Variants in NCKAP5L observed in about 807,000 individuals in gnomAD.
NCKAP5L encodes the protein NCK associated protein 5 like, also known as nck-associated protein 5-like.
A neutral mutation model predicts 103.2 loss-of-function variants in NCKAP5L; 54 were observed. That is an observed-to-expected ratio of 0.52 (90% CI 0.42 to 0.66). The LOEUF is 0.66. NCKAP5L is among the 30% of genes least tolerant of loss of function. NCKAP5L has a pLI of 0.00. For synonymous variants in NCKAP5L, 762 were observed against 748.6 expected, an observed-to-expected ratio of 1.02 and a Z score of -0.29; for missense variants, 1,733 against 1,750.6, an observed-to-expected ratio of 0.99 and a Z score of 0.18.
At position 49,802,091 on chromosome 12, in the gene NCKAP5L, C is replaced by T. The variant is rs1258124480; in HGVS notation, c.232-124G>A. 14 of 1,100,062 alleles carry T rather than the reference C, an allele frequency of 1.3e-5. No individual in the cohort carries two copies. The East Asian group carries it at 2.8e-4, about 22-fold the overall frequency. The allele number at this position is 1,100,062 out of a possible 1,614,324, so 68.1% of individuals were successfully genotyped here. A position where few individuals can be genotyped will look rare whatever the true frequency, so the allele number is the denominator to read the frequency against. ...CAGGACCCTTCTGGGCACACACTTC[C>T]GCTGCAACCTCCTTCTATGAGGAAT... On this transcript the variant is annotated intron_variant, in intron 5 of 12. Transcript: ENST00000335999.
chr12:49,824,586 C>T (rs1946395984), intron 1 of NCKAP5L, among the ~76,000 whole-genome samples: 1 of 152,246 alleles, frequency 6.6e-6, no homozygotes, highest in Admixed American at 6.5e-5. Context: ...TCCTAAGAGA[C>T]CAACGACCTT....
At chr12:49,813,648 C>T (rs1289255037) in intron 1 of NCKAP5L, among the ~76,000 whole-genome samples, 1 of 152,116 alleles carries the variant, frequency 6.6e-6, no homozygotes. Flanking sequence ...CTGTCTCAGC[C>T]GTCCGAGTAC....
Position 49,793,913 on chromosome 12 carries a change from A to G in NCKAP5L, c.3096-17T>C. ...CCATCCACCCTATGGGCAACAGTGCAGATATAGGTGAGGGTGGTCTTGCCT... is the reference window on the plus strand; with the variant it reads ...CCATCCACCCTATGGGCAACAGTGCGGATATAGGTGAGGGTGGTCTTGCCT... On this transcript the variant is annotated splice_polypyrimidine_tract_variant and intron_variant, in intron 8 of 12. Transcript: ENST00000335999. 1.3e-6 allele frequency: 2 copies of G among 1,491,108 alleles called. No homozygotes were observed. Among genetic ancestry groups the G allele is most frequent in the East Asian group, 2.5e-5 (1 of 40,436 alleles). 92.4% of individuals were successfully genotyped at this position (1,491,108 alleles called of 1,614,324 possible).
chr12:49,817,046 G>A (rs1382118499), intron 1 of NCKAP5L, among the ~76,000 whole-genome samples: 3 of 151,968 alleles, frequency 2.0e-5, no homozygotes, highest in East Asian at 3.9e-4. Flanking sequence ...TGTTAACAAC[G>A]AACTACCTAA....
chr12:49,808,765 C>T (rs533581767), intron 1 of NCKAP5L, among the ~76,000 whole-genome samples: 25 of 152,350 alleles, frequency 1.6e-4, no homozygotes, highest in African/African-American at 5.8e-4. Flanking sequence ...GAGCTCAGCC[C>T]GACCTGGGGC....
rs2137026379 is a variant in NCKAP5L, at chr12:49,811,401, G to A, written c.-98-5360C>T. Among the ~76,000 whole-genome samples, 3 of 152,200 alleles carry A rather than the reference G, an allele frequency of 2.0e-5. No homozygotes were observed. In the Middle Eastern group the frequency reaches 0.01, roughly 518 times the overall value. On this transcript the variant is annotated intron_variant, in intron 1 of 12. Coordinates refer to ENST00000335999, the MANE Select transcript of NCKAP5L (RefSeq NM_001037806.4). ...TTTCCCCAGAGGATTAAAGCCAGCA[G>A]AGGGGAACCCCCTCACACCTCCTGC... is the stretch of plus-strand genomic sequence containing the variant.
intron 1 of NCKAP5L, among the ~76,000 whole-genome samples, chr12:49,812,099 C>T (rs1169339975): frequency 6.6e-6 from 1 of 152,112 alleles, no homozygotes; most frequent in East Asian, 1.9e-4. Flanking sequence ...TTCAGTGGTT[C>T]TTAGTATACT....
At chr12:49,817,210 A>G (rs1266652612) in intron 1 of NCKAP5L, among the ~76,000 whole-genome samples, 1 of 152,204 alleles carries the variant, frequency 6.6e-6, no homozygotes, top group Non-Finnish European at 1.5e-5. Context: ...ATATTTTTTA[A>G]ATGTCCATAA....
chr12:49,826,768 T>A (rs1467741268), intron 1 of NCKAP5L, among the ~76,000 whole-genome samples: 1 of 152,164 alleles, frequency 6.6e-6, no homozygotes, highest in Non-Finnish European at 1.5e-5. Flanking sequence ...TCTTTATTGA[T>A]ACCCGCTTGC....
intron 2 of NCKAP5L, chr12:49,805,449 G>C (rs1282262266): frequency 6.6e-6 from 1 of 152,232 alleles, no homozygotes; most frequent in Non-Finnish European, 1.5e-5. Context: ...TTCTCTGCTA[G>C]AGAAAAATGC....
chr12:49,793,668 G>C (rs181334080), intron 9 of NCKAP5L, 66 bp downstream of exon 9: 104 of 1,475,438 alleles, frequency 7.0e-5, no homozygotes, highest in Non-Finnish European at 8.8e-5. Flanking sequence ...AACCCTCTAG[G>C]GGGTAAGAGA....
rs1945955325 is a variant in NCKAP5L, at chr12:49,792,623, C to T, written c.3650-35G>A. On this transcript the variant is annotated intron_variant, in intron 11 of 12. Transcript: ENST00000335999. This position sits in a 1 kb window ranked among gnomAD's most constrained non-coding sequence, Gnocchi z 4.5. ...AACAAAGGGAAGGTGGATGGAGCTG[C>T]CTGGGCAGCTCCAGGATGCCCAGGG... The T allele has an allele frequency of 6.2e-7, 1 of 1,613,464 alleles. No homozygotes were observed. The highest frequency in any genetic ancestry group is 8.5e-7 in the Non-Finnish European group (1 of 1,179,706).
At chr12:49,821,769 A>T (rs1946364375) in intron 1 of NCKAP5L, among the ~76,000 whole-genome samples, 1 of 152,248 alleles carries the variant, frequency 6.6e-6, no homozygotes, top group Non-Finnish European at 1.5e-5. Flanking sequence ...CACACAGTAA[A>T]TTCTAAATAA....
chr12:49,810,679 G>T (rs1358570947), intron 1 of NCKAP5L, among the ~76,000 whole-genome samples: 1 of 152,196 alleles, frequency 6.6e-6, no homozygotes, highest in Admixed American at 6.5e-5. Context: ...GGAGAAGCCA[G>T]CTTCCTTCTA....
intron 8 of NCKAP5L, 111 bp from the exon 9 acceptor site, chr12:49,794,007 C>T (rs1204595875): frequency 1.9e-6 from 2 of 1,034,574 alleles, no homozygotes; most frequent in South Asian, 2.4e-5. Context: ...GCCATCCACC[C>T]CCGGGGAAGG....
In NCKAP5L at chr12:49,824,724, C is replaced by T. The variant is rs142695380; in HGVS notation, c.-99+3598G>A. 9.2e-3 allele frequency among the ~76,000 whole-genome samples: 1,408 copies of T among 152,316 alleles called. 11 individuals are homozygous for T. The highest frequency in any genetic ancestry group is 0.027 in the South Asian group (132 of 4,826). ...GCGTGCCTGGTACTGTGACAGATGC[C>T]GGGACAGACAAAATCTAAGCTCCTG... On this transcript the variant is annotated intron_variant, in intron 1 of 12. Transcript: ENST00000335999.
chr12:49,812,713 T>C (rs1260492785), intron 1 of NCKAP5L, among the ~76,000 whole-genome samples: 1 of 152,186 alleles, frequency 6.6e-6, no homozygotes, highest in Non-Finnish European at 1.5e-5. Context: ...AGTGCTCCAC[T>C]GTATGGGCCA....
chr12:49,819,114 C>T (rs572975870), intron 1 of NCKAP5L, among the ~76,000 whole-genome samples: 8 of 151,526 alleles, frequency 5.3e-5, no homozygotes, highest in Admixed American at 1.3e-4. Flanking sequence ...GGGCAGATCA[C>T]GAGGTCAGGA....
rs565278497 is a variant in NCKAP5L at position 49,793,632 on chromosome 12, C to T, written c.3258+102G>A. On this transcript the variant is annotated intron_variant, in intron 9 of 12. Coordinates refer to ENST00000335999, the MANE Select transcript of NCKAP5L (RefSeq NM_001037806.4). ...TCCCCGTAGAGACTGTGAGTGCATC[C>T]GGCACTCATGGTCTTGGGGAAGGGG... The T allele has an allele frequency of 2.0e-4, 281 of 1,388,464 alleles. No individual in the cohort carries two copies. In the African/African-American group the frequency reaches 3.2e-3, roughly 16 times the overall value. 86.0% of individuals were successfully genotyped at this position (1,388,464 alleles called of 1,614,324 possible).
Sources: gnomAD v4.1 joint callset for allele counts (sites outside exome capture counted in the v4.1 genomes callset) on GRCh38, gnomAD v4.1.1 for gene constraint, Gnocchi (gnomAD v3.1) non-coding constraint, MANE v1.5 for transcripts, NCBI Gene and HGNC (gene_info 2026-07-23, HGNC 2026-07-21) for gene names.